Variants in AKR1C1 observed in about 807,000 individuals in gnomAD.
AKR1C1 encodes aldo-keto reductase family 1 member C1, also known as 20 alpha-hydroxysteroid dehydrogenase.
Under a neutral mutation model 40.6 loss-of-function variants are expected in AKR1C1, and 32 were observed. The observed-to-expected ratio is 0.79, with a 90% CI of 0.60 to 1.06. The LOEUF (loss-of-function observed/expected upper bound fraction) is 1.06. AKR1C1 is among the 50% of genes least tolerant of loss of function. The probability of loss-of-function intolerance (pLI) is 0.00; values close to 1 mark genes in which losing one functional copy is unlikely to be tolerated. For synonymous variants in AKR1C1, 105 were observed against 134.2 expected (o/e 0.78, Z 1.50); for missense variants, 320 against 363.5 (o/e 0.88, Z 0.97).
intron 1 of AKR1C1, chr10:4,965,555 C>A (rs544849444): frequency 1.8e-5 from 3 of 164,628 alleles, no homozygotes; most frequent in African/African-American, 7.2e-5. Context: ...TGAGCCGCCA[C>A]GCCTGGCCAT....
rs140396306 is a variant in AKR1C1, at chr10:4,972,652, G to A, written c.749G>A (p.Arg250Gln). 207 of 1,613,072 alleles carry A rather than the reference G, an allele frequency of 1.3e-4. 3 individuals carry two copies. The highest frequency in any genetic ancestry group is 9.1e-4 in the East Asian group (41 of 44,902). The change falls in exon 7 of 9, where the codon CGA becomes CAA. Residue 250 changes from arginine to glutamine, a missense_variant. Around this residue, in one of 3 missense-constraint regions of AKR1C1, gnomAD observed 77 missense variants for 125.3 expected, o/e 0.61. Coordinates refer to ENST00000380872, the MANE Select transcript of AKR1C1 (RefSeq NM_001353.6). ...TGTGCCTTGGCAAAAAAGCACAAGC[G>A]AACCCCAGCCCTGATTGCCCTGCGC... ...VLCALAKKHK[R>Q]TPALIALRYQ...
intron 5 of AKR1C1, among the ~76,000 whole-genome samples, chr10:4,971,505 T>TTTTA (rs879971088): frequency 1.8e-5 from 2 of 108,926 alleles, no homozygotes; most frequent in Admixed American, 2.0e-4. Context: ...CATATATATA[T>TTTTA]TATATATATA....
At chr10:4,970,892 A>C in intron 5 of AKR1C1, among the ~76,000 whole-genome samples, 1 of 151,882 alleles carries the variant, frequency 6.6e-6, no homozygotes, top group East Asian at 1.9e-4. Flanking sequence ...GCGTACCAAC[A>C]TGGCACATGT....
chr10:4,968,742 A>G (rs1321621559), intron 4 of AKR1C1, 80 bp from the exon 5 acceptor site: 3 of 1,599,924 alleles, frequency 1.9e-6, no homozygotes, highest in Non-Finnish European at 1.7e-6. Context: ...TTTTATTGTC[A>G]TATCTAGACA....
At position 4,981,231 on chromosome 10, in the gene AKR1C1, C is replaced by T. The variant is rs1264186183; in HGVS notation, c.*3489C>T. On this transcript the variant is annotated 3_prime_UTR_variant, in exon 9 of 9. Coordinates refer to ENST00000380872, the MANE Select transcript of AKR1C1 (RefSeq NM_001353.6). ...TCTTGCTTTATTTATAGAACACTTACAGAGTAGATATAGATTAAATCTTAA... is the reference window on the plus strand; with the variant it reads ...TCTTGCTTTATTTATAGAACACTTATAGAGTAGATATAGATTAAATCTTAA... 1 of 152,136 alleles carries T rather than the reference C, an allele frequency of 6.6e-6. No individual in the cohort carries two copies. The highest frequency in any genetic ancestry group is 1.5e-5 in the Non-Finnish European group (1 of 68,026). The allele number at this position is 152,136 out of a possible 1,614,324, so 9.4% of individuals were successfully genotyped here.
At position 4,979,067 on chromosome 10, in the gene AKR1C1, C is replaced by T. The variant is rs1452460123; in HGVS notation, c.*1325C>T. 1 of 152,168 alleles carries T rather than the reference C, an allele frequency of 6.6e-6. No homozygotes were observed. The highest frequency in any genetic ancestry group is 1.5e-5 in the Non-Finnish European group (1 of 68,028). 9.4% of individuals were successfully genotyped at this position (152,168 alleles called of 1,614,324 possible). A position where few individuals can be genotyped will look rare whatever the true frequency, so the allele number is the denominator to read the frequency against. On this transcript the variant is annotated 3_prime_UTR_variant, in exon 9 of 9. Transcript: ENST00000380872. ...CTCTCCACTATTCGTACTCTGGTAG[C>T]CATGTTAACCCCATCAGAGATTCCT...
intron 8 of AKR1C1, among the ~76,000 whole-genome samples, chr10:4,976,535 C>T (rs1169426556): frequency 6.6e-6 from 1 of 152,206 alleles, no homozygotes; most frequent in African/African-American, 2.4e-5. Flanking sequence ...AATAGGAGCA[C>T]TTGGCCTTGG....
At chr10:4,974,973 T>A (rs1357907553) in intron 7 of AKR1C1, among the ~76,000 whole-genome samples, 2 of 152,080 alleles carry the variant, frequency 1.3e-5, no homozygotes, top group Non-Finnish European at 2.9e-5. Context: ...AGCCTCCAGA[T>A]CAATGTGGAG....
chr10:4,966,059 A>G lies in AKR1C1; in HGVS notation c.230A>G (p.Glu77Gly), dbSNP rs962034762. 2 of 1,613,874 alleles carry G rather than the reference A, an allele frequency of 1.2e-6. No homozygotes were observed. Among genetic ancestry groups the G allele is most frequent in the African/African-American group, 2.7e-5 (2 of 74,904 alleles). The part of the protein sequence containing the change: ...SKIADGSVKR[E>G]DIFYTSKLWC... ...ATTGCAGATGGCAGTGTGAAGAGAG[A>G]AGACATATTCTACACTTCAAAGGTA... The change falls in exon 2 of 9, where the codon GAA (glutamate) becomes GGA (glycine). Residue 77 changes from glutamate (E) to glycine (G), a missense_variant. This residue lies in a region of AKR1C1 where 214 missense variants were observed against 214.8 expected (regional missense o/e 1.00). Coordinates refer to ENST00000380872, the MANE Select transcript of AKR1C1 (RefSeq NM_001353.6).
chr10:4,969,571 G>A lies in AKR1C1; in HGVS notation c.570+627G>A, dbSNP rs1836391122. On this transcript the variant is annotated intron_variant, in intron 5 of 8. Transcript: ENST00000380872. Reference sequence around the variant, plus strand: ...TGAGGAAGGTTCAGCAGAACATGGAGCTGACCTATGACTGCCCCCGCTCCT... The same window carrying A: ...TGAGGAAGGTTCAGCAGAACATGGAACTGACCTATGACTGCCCCCGCTCCT... 5.5e-6 allele frequency: 7 copies of A among 1,284,376 alleles called. No homozygotes were observed. In the Admixed American group the frequency reaches 1.4e-4, roughly 25 times the overall value. The allele number at this position is 1,284,376 out of a possible 1,614,324, so 79.6% of individuals were successfully genotyped here.
At chr10:4,964,331 T>C (rs1016816970) in intron 1 of AKR1C1, among the ~76,000 whole-genome samples, 1 of 152,188 alleles carries the variant, frequency 6.6e-6, no homozygotes, top group African/African-American at 2.4e-5. Context: ...AATATAAGGA[T>C]TTACAAAGGG....
intron 5 of AKR1C1, chr10:4,969,717 T>C (rs1184065714): frequency 1.2e-6 from 2 of 1,612,230 alleles, no homozygotes; most frequent in Non-Finnish European, 1.7e-6. Flanking sequence ...TGACTGGTGA[T>C]TCCAGGCCTC....
intron 1 of AKR1C1, 189 bp downstream of exon 1, chr10:4,963,717 TA>T (rs1229138380): frequency 1.3e-6 from 1 of 741,880 alleles, no homozygotes; most frequent in Non-Finnish European, 2.5e-6. Context: ...GTCTTCTGTT[TA>T]TGTTTATTTC....
intron 5 of AKR1C1, among the ~76,000 whole-genome samples, chr10:4,971,772 T>C (rs1202334545): frequency 6.6e-6 from 1 of 151,908 alleles, no homozygotes; most frequent in Non-Finnish European, 1.5e-5. Flanking sequence ...ATATGTCAGA[T>C]CAATTAGAAA....
At chr10:4,976,377 T>C (rs1341161048) in intron 8 of AKR1C1, among the ~76,000 whole-genome samples, 1 of 152,076 alleles carries the variant, frequency 6.6e-6, no homozygotes, top group Non-Finnish European at 1.5e-5. Flanking sequence ...CAGGTTCCAA[T>C]TCCCACCTCT....
chr10:4,973,881 T>A (rs1554770166), intron 7 of AKR1C1, among the ~76,000 whole-genome samples: 3 of 145,482 alleles, frequency 2.1e-5, no homozygotes, highest in Admixed American at 1.4e-4. Context: ...TGCATATATA[T>A]GTTTTCTAAT....
Position 4,978,041 on chromosome 10 carries a change from G to C in AKR1C1, c.*299G>C, listed in dbSNP as rs1335791050. On this transcript the variant is annotated 3_prime_UTR_variant, in exon 9 of 9. Coordinates refer to ENST00000380872, the MANE Select transcript of AKR1C1 (RefSeq NM_001353.6). The stretch of plus-strand genomic sequence containing the variant: ...CCCCTAAATTGTGATTTGCCTATAC[G>C]TTTAGGGCCGGGGTTGGAAGATGTT... 2.5e-6 allele frequency: 1 copy of C among 403,424 alleles called. No individual in the cohort carries two copies. Among genetic ancestry groups the C allele is most frequent in the Non-Finnish European group, 4.5e-6 (1 of 224,388 alleles). 25.0% of individuals were successfully genotyped at this position (403,424 alleles called of 1,614,324 possible). A position where few individuals can be genotyped will look rare whatever the true frequency, so the allele number is the denominator to read the frequency against.
intron 3 of AKR1C1, chr10:4,967,863 A>T (rs71277335): frequency 4.9e-6 from 1 of 205,662 alleles, no homozygotes; most frequent in Non-Finnish European, 9.0e-6. Context: ...CCTTGAAAAC[A>T]CCTCCATTGA....
rs1487333431 is a variant in AKR1C1, at chr10:4,978,626, G to A, written c.*884G>A. Reference sequence around the variant, plus strand: ...GAAAATATTCTTAGATTCTAAAAATGTACTATTAATTTGTGATATTCAGTC... The same window carrying A: ...GAAAATATTCTTAGATTCTAAAAATATACTATTAATTTGTGATATTCAGTC... On this transcript the variant is annotated 3_prime_UTR_variant, in exon 9 of 9. Coordinates refer to ENST00000380872, the MANE Select transcript of AKR1C1 (RefSeq NM_001353.6). 2 of 152,006 alleles carry A rather than the reference G, an allele frequency of 1.3e-5. No individual in the cohort carries two copies. Among genetic ancestry groups the A allele is most frequent in the African/African-American group, 2.4e-5 (1 of 41,380 alleles). 9.4% of individuals were successfully genotyped at this position (152,006 alleles called of 1,614,324 possible).
Sources: gnomAD v4.1 joint callset for allele counts (sites outside exome capture counted in the v4.1 genomes callset) on GRCh38, gnomAD v4.1.1 for gene constraint, gnomAD v4.1.1 regional missense constraint, MANE v1.5 for transcripts, NCBI Gene and HGNC (gene_info 2026-07-23, HGNC 2026-07-21) for gene names.